The following NMNAT1 variants were observed in gnomAD, a reference collection of about 807,000 sequenced individuals.
The protein encoded by NMNAT1 is nicotinamide nucleotide adenylyltransferase 1.
A neutral mutation model predicts 16.7 loss-of-function variants in NMNAT1; 11 were observed. The ratio of observed to expected loss-of-function variants is 0.66; its 90% CI spans 0.41 to 1.09. The LOEUF (loss-of-function observed/expected upper bound fraction) is 1.09, where lower values mean the gene tolerates loss of function less well. Ranked by LOEUF, NMNAT1 falls within the 50% of genes least tolerant of loss-of-function variation. The probability of loss-of-function intolerance (pLI) is 0.00; values close to 1 mark genes in which losing one functional copy is unlikely to be tolerated. For missense variants in NMNAT1, 280 were observed against 332.3 expected, an observed-to-expected ratio of 0.84 and a Z score of 1.22; for synonymous variants, 110 against 119.8, an observed-to-expected ratio of 0.92 and a Z score of 0.53.
chr1:9,989,042 G>C (rs938183647), downstream of NMNAT1, among the ~76,000 whole-genome samples: 7 of 152,118 alleles, frequency 4.6e-5, no homozygotes, highest in African/African-American at 1.7e-4. Flanking sequence ...CCCAATGAGG[G>C]CTCCCCACCT....
the NMNAT1 span, among the ~76,000 whole-genome samples, chr1:9,990,937 GA>G: frequency 9.6e-3 from 1,431 of 149,822 alleles, 35 homozygotes; most frequent in Admixed American, 0.037. Context: ...GAATTGTAAA[GA>G]AAAAAAAAAT....
At chr1:9,953,078 T>TG in intron 1 of NMNAT1, among the ~76,000 whole-genome samples, 1 of 151,542 alleles carries the variant, frequency 6.6e-6, no homozygotes, top group East Asian at 1.9e-4. Context: ...CCTCCTAGGT[T>TG]CAAGCAATTC....
the NMNAT1 span, among the ~76,000 whole-genome samples, chr1:9,991,174 T>C: frequency 7.0e-6 from 1 of 143,098 alleles, no homozygotes; most frequent in Non-Finnish European, 1.5e-5. Context: ...CCTGTTCTCT[T>C]AGTCAGCTGA....
At chr1:9,961,852 A>G (rs1404088454) in intron 1 of NMNAT1, among the ~76,000 whole-genome samples, 1 of 151,508 alleles carries the variant, frequency 6.6e-6, no homozygotes. Flanking sequence ...GCTCGCCGCA[A>G]CCTCCACCTC....
At chr1:9,994,615 ATTT>A in the NMNAT1 span, among the ~76,000 whole-genome samples, 4 of 123,068 alleles carry the variant, frequency 3.3e-5, no homozygotes, top group Non-Finnish European at 1.7e-5. Flanking sequence ...TATTTTTTGT[ATTT>A]TTTTTTTTTT....
chr1:9,979,527 G>A (rs545396592), intron 3 of NMNAT1, among the ~76,000 whole-genome samples: 57 of 152,134 alleles, frequency 3.7e-4, no homozygotes, highest in Middle Eastern at 3.4e-3. Context: ...GAGGCTGGGC[G>A]CAGTGGCTCA....
At chr1:9,962,371 A>G (rs1343533325) in intron 1 of NMNAT1, among the ~76,000 whole-genome samples, 3 of 151,202 alleles carry the variant, frequency 2.0e-5, no homozygotes, top group Non-Finnish European at 4.4e-5. Context: ...AGTCCCAGCT[A>G]CTTGGGAGGC....
rs1173534744 is a variant in NMNAT1, at chr1:9,983,825, A to G, written c.*1124A>G. ...AGTAATGATAGAGCAAGATGAAGCT[A>G]TCAGAACTGAATTTGGACTTCCTCT... On this transcript the variant is annotated 3_prime_UTR_variant, in exon 5 of 5. Coordinates refer to ENST00000377205, the MANE Select transcript of NMNAT1 (RefSeq NM_022787.4). The G allele has an allele frequency of 6.6e-6, 1 of 152,190 alleles. No individual in the cohort carries two copies. Among genetic ancestry groups the G allele is most frequent in the African/African-American group, 2.4e-5 (1 of 41,454 alleles). The allele number at this position is 152,190 out of a possible 1,614,324, so 9.4% of individuals were successfully genotyped here.
intron 1 of NMNAT1, among the ~76,000 whole-genome samples, chr1:9,964,514 C>T (rs182007223): frequency 1.3e-3 from 204 of 151,220 alleles, no homozygotes; most frequent in Non-Finnish European, 2.2e-3. Context: ...CCCAGCTTTC[C>T]CAGCCTGGGT....
chr1:9,973,283 A>G (rs1011677503), intron 2 of NMNAT1, among the ~76,000 whole-genome samples: 1 of 151,942 alleles, frequency 6.6e-6, no homozygotes, highest in African/African-American at 2.4e-5. Flanking sequence ...CGCCCGGCTA[A>G]TTTTTTATAT....
intron 1 of NMNAT1, among the ~76,000 whole-genome samples, chr1:9,955,157 C>T (rs1641223737): frequency 6.6e-6 from 1 of 151,886 alleles, no homozygotes; most frequent in Non-Finnish European, 1.5e-5. Context: ...AATCCCAGCA[C>T]TTTGGAAGGC....
At chr1:9,951,096 A>G (rs1273140946) in intron 1 of NMNAT1, 1 of 151,920 alleles carries the variant, frequency 6.6e-6, no homozygotes, top group African/African-American at 2.4e-5. Flanking sequence ...TTCAAAAAAA[A>G]AAAAAAAAGA....
chr1:9,981,009 C>A (rs867292854), intron 3 of NMNAT1, 22 bp from the exon 4 acceptor site: 1 of 1,589,986 alleles, frequency 6.3e-7, no homozygotes, highest in Non-Finnish European at 8.5e-7. Flanking sequence ...GAGAAATATT[C>A]TATTGTTTTG....
intron 3 of NMNAT1, among the ~76,000 whole-genome samples, chr1:9,977,294 C>T (rs1641836903): frequency 6.6e-6 from 1 of 151,812 alleles, no homozygotes; most frequent in Admixed American, 6.6e-5. Flanking sequence ...GCTATGTTGC[C>T]TATGCTGACT....
At chr1:9,957,679 G>A (rs1427494779) in intron 1 of NMNAT1, among the ~76,000 whole-genome samples, 1 of 152,172 alleles carries the variant, frequency 6.6e-6, no homozygotes, top group Admixed American at 6.6e-5. Flanking sequence ...AAGGAAAAAT[G>A]ACTTATTTTA....
In NMNAT1 at chr1:9,985,064, C is replaced by T. The variant is rs1394179092; in HGVS notation, c.*2363C>T. The T allele has an allele frequency of 6.6e-6, 1 of 152,092 alleles. No individual in the cohort carries two copies. The highest frequency in any genetic ancestry group is 1.9e-4 in the East Asian group (1 of 5,200). 9.4% of individuals were successfully genotyped at this position (152,092 alleles called of 1,614,324 possible). ...CAGAAGTTGTTATATGATGAAATAG[C>T]CTCCTTTAACGTTTATTTCTGGGTG... On this transcript the variant is annotated 3_prime_UTR_variant, in exon 5 of 5. Coordinates refer to ENST00000377205, the MANE Select transcript of NMNAT1 (RefSeq NM_022787.4).
intron 1 of NMNAT1, among the ~76,000 whole-genome samples, chr1:9,969,057 C>T (rs1231940184): frequency 1.3e-5 from 2 of 151,914 alleles, no homozygotes; most frequent in Non-Finnish European, 2.9e-5. Context: ...AGCCTAATAT[C>T]AGAGCATAGG....
At position 9,982,524 on chromosome 1, in the gene NMNAT1, C is replaced by T; in HGVS notation, c.663C>T (p.Ile221=). 2.5e-6 allele frequency: 4 copies of T among 1,614,126 alleles called. No homozygotes were observed. Among genetic ancestry groups the T allele is most frequent in the Non-Finnish European group, 3.4e-6 (4 of 1,180,044 alleles). Reference sequence around the variant, plus strand: ...TGAATGAATGGATCGCTAATGACATCTCATCCACAAAAATCCGGAGAGCCC... The same window carrying T: ...TGAATGAATGGATCGCTAATGACATTTCATCCACAAAAATCCGGAGAGCCC... ...HVVNEWIAND[I]SSTKIRRALR... is the part of the protein sequence containing the mutation. Residue 221 remains isoleucine (I), a synonymous_variant, in exon 5 of 5, where the codon ATC becomes ATT. Coordinates refer to ENST00000377205, the MANE Select transcript of NMNAT1 (RefSeq NM_022787.4).
chr1:9,965,986 T>C (rs1205157027), intron 1 of NMNAT1, among the ~76,000 whole-genome samples: 1 of 150,890 alleles, frequency 6.6e-6, no homozygotes, highest in African/African-American at 2.4e-5. Flanking sequence ...AGATCCTTTC[T>C]CAAAAAAAAA....
Sources: allele counts gnomAD v4.1 joint callset (sites outside exome capture counted in the v4.1 genomes callset), GRCh38; gene constraint gnomAD v4.1.1; transcripts MANE v1.5; gene names NCBI Gene and HGNC (gene_info 2026-07-23, HGNC 2026-07-21).